Variants in RALGAPA1 observed in about 807,000 individuals in gnomAD.
RALGAPA1 encodes the protein ral GTPase-activating protein subunit alpha-1.
A neutral mutation model predicts 269.6 loss-of-function variants in RALGAPA1; 52 were observed. The ratio of observed to expected loss-of-function variants is 0.19; its 90% CI spans 0.15 to 0.24. The LOEUF is 0.24. RALGAPA1 is among the 10% of genes least tolerant of loss of function. The pLI is 1.00. For missense variants in RALGAPA1, 1,917 were observed against 3,013.9 expected (o/e 0.64, Z 8.52); for synonymous variants, 817 against 1,008.3 (o/e 0.81, Z 3.60).
intron 39 of RALGAPA1, among the ~76,000 whole-genome samples, chr14:35,560,534 A>C (rs888245680): frequency 1.3e-5 from 2 of 152,158 alleles, no homozygotes; most frequent in Non-Finnish European, 2.9e-5. Context: ...ACTTAAAATT[A>C]ATCACCTTTA....
At chr14:35,579,903 C>G (rs1264207517) in intron 37 of RALGAPA1, among the ~76,000 whole-genome samples, 2 of 151,878 alleles carry the variant, frequency 1.3e-5, no homozygotes, top group African/African-American at 4.8e-5. Context: ...AAAAATTATT[C>G]CTTAAATTTA....
intron 37 of RALGAPA1, among the ~76,000 whole-genome samples, chr14:35,586,317 C>T (rs10139970): frequency 0.35 from 53,687 of 151,982 alleles, 13,514 homozygotes; most frequent in African/African-American, 0.71. Context: ...GAGACTTTGC[C>T]GAAGTTGCTT....
intron 1 of RALGAPA1, among the ~76,000 whole-genome samples, chr14:35,786,083 G>A (rs1038996194): frequency 6.6e-6 from 1 of 152,102 alleles, no homozygotes; most frequent in Non-Finnish European, 1.5e-5. Context: ...CTTGAGCCTG[G>A]GAGGCAGAGG....
At chr14:35,596,055 T>C (rs1046167911) in intron 36 of RALGAPA1, among the ~76,000 whole-genome samples, 2 of 152,052 alleles carry the variant, frequency 1.3e-5, no homozygotes, top group Non-Finnish European at 2.9e-5. Context: ...TAGGTGTTAA[T>C]GGTAAATTAT....
chr14:35,669,824 A>T (rs1258256018), intron 26 of RALGAPA1, among the ~76,000 whole-genome samples: 1 of 152,186 alleles, frequency 6.6e-6, no homozygotes, highest in Non-Finnish European at 1.5e-5. Context: ...ATCCCTCTGT[A>T]TTCCACCTAC....
chr14:35,556,243 A>G (rs911862107), intron 39 of RALGAPA1, among the ~76,000 whole-genome samples: 2 of 152,194 alleles, frequency 1.3e-5, no homozygotes, highest in Admixed American at 1.3e-4. Flanking sequence ...TATTATCGGT[A>G]GTAAAGTAGC....
At chr14:35,742,624 A>C (rs2071668313) in intron 10 of RALGAPA1, 59 bp from the exon 11 acceptor site, 1 of 1,186,008 alleles carries the variant, frequency 8.4e-7, no homozygotes, top group Admixed American at 1.8e-5. Flanking sequence ...CAAACCACTA[A>C]CGCAGTAATG....
chr14:35,792,790 A>C (rs2076273362), intron 1 of RALGAPA1, among the ~76,000 whole-genome samples: 1 of 147,080 alleles, frequency 6.8e-6, no homozygotes, highest in African/African-American at 2.5e-5. Context: ...AAAAAAAAAA[A>C]AAAAGAAAGA....
chr14:35,654,530 A>G (rs1293904498), intron 29 of RALGAPA1, 53 bp from the exon 30 acceptor site: 14 of 1,524,744 alleles, frequency 9.2e-6, no homozygotes, highest in African/African-American at 1.4e-5. Flanking sequence ...CTTTTCATCA[A>G]TGTATTATCT....
At chr14:35,745,671 G>A (rs571429185) in intron 10 of RALGAPA1, among the ~76,000 whole-genome samples, 7 of 143,354 alleles carry the variant, frequency 4.9e-5, no homozygotes, top group Admixed American at 4.5e-4. Context: ...GGCTGAGGCA[G>A]AAGAACTACT....
At chr14:35,656,246 T>C (rs1339493346) in intron 28 of RALGAPA1, among the ~76,000 whole-genome samples, 3 of 152,184 alleles carry the variant, frequency 2.0e-5, no homozygotes, top group Non-Finnish European at 4.4e-5. Context: ...AAATGGAAAG[T>C]GTAATTTTAT....
chr14:35,729,013 G>T (rs7151735), intron 12 of RALGAPA1, among the ~76,000 whole-genome samples: 6,146 of 151,988 alleles, frequency 0.04, 357 homozygotes, highest in African/African-American at 0.12. Flanking sequence ...GCGATTACAG[G>T]TGTGAGCCAC....
chr14:35,721,669 G>T lies in RALGAPA1; in HGVS notation c.2266+19C>A, dbSNP rs560120765. ...ATGTAGTGCCCTGTACCATTCTCAT[G>T]ATTTTCAAGAGTACATACCGACAGT... On this transcript the variant is annotated intron_variant, in intron 16 of 41. Coordinates refer to ENST00000680220, the MANE Select transcript of RALGAPA1 (RefSeq NM_001346249.2). 3.5e-5 allele frequency: 56 copies of T among 1,606,940 alleles called. No individual in the cohort carries two copies. In the South Asian group the frequency reaches 5.8e-4, roughly 17 times the overall value.
Position 35,539,693 on chromosome 14 carries a change from G to C in RALGAPA1, c.*24-3C>G, listed in dbSNP as rs2053788885. Reference sequence around the variant, plus strand: ...GGGTAGAATCTCTGGGTAGGAGCCTGTAGGAAACAGCAAGAGCATTACTAC... The same window carrying C: ...GGGTAGAATCTCTGGGTAGGAGCCTCTAGGAAACAGCAAGAGCATTACTAC... On this transcript the variant is annotated splice_region_variant and splice_polypyrimidine_tract_variant and intron_variant, in intron 41 of 41. Transcript: ENST00000680220. 6.2e-7 allele frequency: 1 copy of C among 1,613,686 alleles called. No individual in the cohort carries two copies. The highest frequency in any genetic ancestry group is 8.5e-7 in the Non-Finnish European group (1 of 1,179,826).
intron 33 of RALGAPA1, among the ~76,000 whole-genome samples, chr14:35,632,065 A>G (rs1338429734): frequency 6.6e-6 from 1 of 152,182 alleles, no homozygotes; most frequent in African/African-American, 2.4e-5. Context: ...TCTCAGATGT[A>G]GGTAAAGCAT....
At chr14:35,582,284 A>G (rs1005634575) in intron 37 of RALGAPA1, among the ~76,000 whole-genome samples, 3 of 152,204 alleles carry the variant, frequency 2.0e-5, no homozygotes, top group Non-Finnish European at 4.4e-5. Context: ...AAAGTTCTGG[A>G]ACAAAAACAA....
intron 6 of RALGAPA1, among the ~76,000 whole-genome samples, chr14:35,758,321 A>G (rs1364670365): frequency 2.0e-5 from 3 of 151,508 alleles, no homozygotes; most frequent in Admixed American, 6.6e-5. Flanking sequence ...TGTACTCTGG[A>G]CTTCCTGGAC....
intron 4 of RALGAPA1, among the ~76,000 whole-genome samples, chr14:35,769,890 G>A (rs917760154): frequency 2.0e-5 from 3 of 152,138 alleles, no homozygotes; most frequent in Non-Finnish European, 4.4e-5. Context: ...AGAAGAAAAT[G>A]TTACCTACCA....
At position 35,689,866 on chromosome 14, in the gene RALGAPA1, A is replaced by G; in HGVS notation, c.2545T>C (p.Leu849=). ...LPRSSSTSDI[L]EPFTVERAKG... is the part of the protein sequence containing the mutation. ...GCTCGTTCAACAGTGAATGGTTCCA[A>G]GATGTCAGAAGTGCTGCTACTTCGA... is the stretch of plus-strand genomic sequence containing the variant. The change falls in exon 18 of 42, where the codon TTG becomes CTG. Residue 849 remains leucine, a synonymous_variant. Transcript: ENST00000680220. The G allele has an allele frequency of 6.2e-7, 1 of 1,605,110 alleles. No individual in the cohort carries two copies. Among genetic ancestry groups the G allele is most frequent in the Non-Finnish European group, 8.5e-7 (1 of 1,177,062 alleles).
Sources: gnomAD v4.1 joint callset for allele counts (sites outside exome capture counted in the v4.1 genomes callset) on GRCh38, gnomAD v4.1.1 for gene constraint, MANE v1.5 for transcripts, NCBI Gene and HGNC (gene_info 2026-07-23, HGNC 2026-07-21) for gene names.